The following SDHA variants were observed in gnomAD, a reference collection of about 807,000 sequenced individuals.
SDHA encodes succinate dehydrogenase complex flavoprotein subunit A.
A neutral mutation model predicts 78.4 loss-of-function variants in SDHA; 48 were observed. The ratio of observed to expected loss-of-function variants is 0.61; its 90% CI spans 0.49 to 0.78. SDHA has a LOEUF of 0.78. Ranked by LOEUF, SDHA falls within the 30% of genes least tolerant of loss-of-function variation. The pLI, the probability that SDHA is intolerant of heterozygous loss-of-function variation, is 0.00. For missense variants in SDHA, 680 were observed against 892.7 expected (o/e 0.76, Z 3.04); for synonymous variants, 326 against 353.9 (o/e 0.92, Z 0.88).
intron 6 of SDHA, among the ~76,000 whole-genome samples, chr5:229,926 G>A (rs941851615): frequency 1.3e-5 from 2 of 151,760 alleles, no homozygotes; most frequent in East Asian, 1.9e-4. Flanking sequence ...TATACAGCAC[G>A]GTGGCTAGAG....
chr5:264,119 C>G, the SDHA span, among the ~76,000 whole-genome samples: 1 of 152,114 alleles, frequency 6.6e-6, no homozygotes, highest in Non-Finnish European at 1.5e-5. Flanking sequence ...TAAAACAGTA[C>G]AAAGATAAAA....
chr5:231,142 C>T, intron 7 of SDHA, 142 bp downstream of exon 7: 1 of 1,022,054 alleles, frequency 9.8e-7, no homozygotes, highest in Non-Finnish European at 1.5e-6. Flanking sequence ...GTCCTAACTT[C>T]AACGTCATTT....
At chr5:247,503 A>G (rs1736535646) in intron 11 of SDHA, among the ~76,000 whole-genome samples, 1 of 152,262 alleles carries the variant, frequency 6.6e-6, no homozygotes, top group African/African-American at 2.4e-5. Context: ...ACGCAGATAC[A>G]GCAGTACCCG....
chr5:226,977 C>T (rs1488404608), intron 5 of SDHA, among the ~76,000 whole-genome samples: 1 of 151,484 alleles, frequency 6.6e-6, no homozygotes, highest in Non-Finnish European at 1.5e-5. Context: ...CTTTTACCAC[C>T]TCTGAGTTCC....
chr5:242,748 A>G (rs532895047), intron 11 of SDHA, among the ~76,000 whole-genome samples: 52 of 152,308 alleles, frequency 3.4e-4, no homozygotes, highest in African/African-American at 1.3e-3. Context: ...GAGTACTCTT[A>G]CGCAGTCCCT....
chr5:243,210 T>G (rs1490686004), intron 11 of SDHA, among the ~76,000 whole-genome samples: 3 of 152,196 alleles, frequency 2.0e-5, no homozygotes, highest in Non-Finnish European at 1.5e-5. Flanking sequence ...CATTTGAGCC[T>G]TTTCCCTTTA....
intron 10 of SDHA, 53 bp from the exon 11 acceptor site, chr5:240,305 T>C: frequency 8.9e-7 from 1 of 1,127,284 alleles, no homozygotes; most frequent in Non-Finnish European, 1.3e-6. Flanking sequence ...TAAATCCATT[T>C]GGTTTTTTAA....
chr5:218,362 G>A lies in SDHA; in HGVS notation c.7G>A (p.Gly3Arg), dbSNP rs756415935. The A allele has an allele frequency of 6.8e-7, 1 of 1,461,852 alleles. No homozygotes were observed. Among genetic ancestry groups the A allele is most frequent in the Non-Finnish European group, 9.0e-7 (1 of 1,115,882 alleles). The allele number at this position is 1,461,852 out of a possible 1,614,324, so 90.6% of individuals were successfully genotyped here. The change falls in exon 1 of 15, where the codon GGG (glycine) becomes AGG (arginine). Residue 3 changes from glycine (G) to arginine (R), a missense_variant. Coordinates refer to ENST00000264932, the MANE Select transcript of SDHA (RefSeq NM_004168.4). Reference sequence around the variant, plus strand: ...CGCGGCGGCAACAGCAGACATGTCGGGGGTCCGGGGCCTGTCGCGGCTGCT... The same window carrying A: ...CGCGGCGGCAACAGCAGACATGTCGAGGGTCCGGGGCCTGTCGCGGCTGCT... MS[G>R]VRGLSRLLSA...
At chr5:243,980 A>G (rs575400620) in intron 11 of SDHA, among the ~76,000 whole-genome samples, 2 of 152,340 alleles carry the variant, frequency 1.3e-5, no homozygotes, top group South Asian at 4.1e-4. Context: ...AGATGGGGGA[A>G]GAAAGAAAAC....
At chr5:247,703 T>C (rs1331503190) in intron 11 of SDHA, among the ~76,000 whole-genome samples, 3 of 152,232 alleles carry the variant, frequency 2.0e-5, no homozygotes, top group Admixed American at 6.5e-5. Flanking sequence ...CACTTTGGGC[T>C]GCATGCCAAT....
chr5:254,129 G>C (rs1324571810), intron 13 of SDHA, among the ~76,000 whole-genome samples: 6 of 148,018 alleles, frequency 4.1e-5, no homozygotes, highest in Non-Finnish European at 7.4e-5. Flanking sequence ...CAAAGTATTT[G>C]ATAAACTCTT....
Position 230,981 on chromosome 5 carries a change from T to G in SDHA, c.876T>G (p.Phe292Leu), listed in dbSNP as rs1272598432. ...GCCTTCCTTGCCAGGACCTAGAGTT[T>G]GTTCAGTTCCACCCTACAGGTAGGG... ...RAGLPCQDLE[F>L]VQFHPTGIYG... The change falls in exon 7 of 15, where the codon TTT becomes TTG. Residue 292 changes from phenylalanine (F) to leucine (L), a missense_variant. Coordinates refer to ENST00000264932, the MANE Select transcript of SDHA (RefSeq NM_004168.4). The G allele has an allele frequency of 6.2e-7, 1 of 1,613,978 alleles. No individual in the cohort carries two copies. Among genetic ancestry groups the G allele is most frequent in the South Asian group, 1.1e-5 (1 of 91,080 alleles).
chr5:220,505 TAAC>T (rs1384571028), intron 1 of SDHA, among the ~76,000 whole-genome samples: 10 of 152,360 alleles, frequency 6.6e-5, no homozygotes, highest in African/African-American at 2.2e-4. Context: ...GGGATAATTG[TAAC>T]AACAATGGCA....
intron 10 of SDHA, among the ~76,000 whole-genome samples, chr5:239,780 T>C (rs557914708): frequency 6.0e-4 from 91 of 151,736 alleles, no homozygotes; most frequent in Non-Finnish European, 4.6e-4. Context: ...TTAATTTTTT[T>C]TTTTTTTAAG....
At chr5:264,894 A>G in the SDHA span, among the ~76,000 whole-genome samples, 1 of 152,308 alleles carries the variant, frequency 6.6e-6, no homozygotes, top group South Asian at 2.1e-4. Flanking sequence ...AACTATAACT[A>G]ATTATGTTAA....
At chr5:226,499 G>T (rs1285108235) in intron 5 of SDHA, among the ~76,000 whole-genome samples, 1 of 152,106 alleles carries the variant, frequency 6.6e-6, no homozygotes, top group African/African-American at 2.4e-5. Context: ...GGGCATGGTG[G>T]TACATGCTTG....
intron 10 of SDHA, among the ~76,000 whole-genome samples, chr5:239,971 G>A (rs1736039855): frequency 6.6e-6 from 1 of 152,112 alleles, no homozygotes; most frequent in Admixed American, 6.5e-5. Flanking sequence ...GTTTTGCCAT[G>A]TTGGCCAGGC....
At chr5:230,130 G>C (rs1441645715) in intron 6 of SDHA, among the ~76,000 whole-genome samples, 7 of 152,120 alleles carry the variant, frequency 4.6e-5, no homozygotes, top group South Asian at 2.1e-4. Flanking sequence ...TGAGGTGATA[G>C]ATGTGTATTA....
intron 6 of SDHA, among the ~76,000 whole-genome samples, chr5:229,333 A>G (rs935981264): frequency 3.3e-5 from 5 of 152,256 alleles, no homozygotes; most frequent in African/African-American, 1.2e-4. Flanking sequence ...AGCATTATTC[A>G]CAATACCCGA....
Sources: allele counts gnomAD v4.1 joint callset (sites outside exome capture counted in the v4.1 genomes callset), GRCh38; gene constraint gnomAD v4.1.1; transcripts MANE v1.5; gene names NCBI Gene and HGNC (gene_info 2026-07-23, HGNC 2026-07-21).